DTWD2: variants seen among roughly 807,000 people sequenced by gnomAD.
DTWD2 encodes DTW motif tRNA-uridine aminocarboxypropyltransferase 2.
DTWD2 carries 39 observed loss-of-function variants against 31.8 expected under a neutral mutation model. The ratio of observed to expected loss-of-function variants is 1.22; its 90% confidence interval spans 0.95 to 1.60. The LOEUF (loss-of-function observed/expected upper bound fraction) is 1.60. Among genes scored for constraint, DTWD2 ranks in the 40% most tolerant of loss-of-function variants. DTWD2 has a pLI of 0.00. For missense variants in DTWD2, 515 were observed against 381.5 expected, an observed-to-expected ratio of 1.35 and a Z score of -2.92; for synonymous variants, 180 against 142.8, an observed-to-expected ratio of 1.26 and a Z score of -1.86.
chr5:118,937,088 G>GA (rs1167451893), intron 3 of DTWD2, among the ~76,000 whole-genome samples: 1 of 151,912 alleles, frequency 6.6e-6, no homozygotes, highest in Non-Finnish European at 1.5e-5. Context: ...ATATTTGTAA[G>GA]AAAAAAACCT....
rs143903396 is a variant in DTWD2, at chr5:118,985,028, G to A, written c.218+3266C>T. On this transcript the variant is annotated intron_variant, in intron 1 of 5. Coordinates refer to ENST00000510708, the MANE Select transcript of DTWD2 (RefSeq NM_173666.4). ...AAATATAAAAATATTACAGTGGCTG[G>A]CTTGTTGGGTTATAGAGCATTAGGC... Among the ~76,000 whole-genome samples the A allele has an allele frequency of 3.3e-3, 498 of 152,150 alleles. 2 individuals carry two copies. The highest frequency in any genetic ancestry group is 0.012 in the African/African-American group (484 of 41,504).
intron 4 of DTWD2, among the ~76,000 whole-genome samples, chr5:118,895,090 T>C (rs1753056077): frequency 6.6e-6 from 1 of 152,102 alleles, no homozygotes; most frequent in African/African-American, 2.4e-5. Flanking sequence ...GTTTGCAGAC[T>C]ACATGTCCTT....
intron 4 of DTWD2, among the ~76,000 whole-genome samples, chr5:118,851,218 C>CAAAAA (rs35541408): frequency 1.6e-4 from 13 of 81,734 alleles, no homozygotes; most frequent in Admixed American, 5.0e-4. Context: ...GACCCTATCT[C>CAAAAA]AAAAAAAAAA....
chr5:118,913,682 C>T (rs1034626231), intron 4 of DTWD2, among the ~76,000 whole-genome samples: 3 of 151,496 alleles, frequency 2.0e-5, no homozygotes, highest in Non-Finnish European at 2.9e-5. Flanking sequence ...AGTGAATAAC[C>T]GTAAGTCATA....
chr5:118,886,819 TAGATGGGGATTTTTCA>T (rs1367599683), intron 4 of DTWD2, among the ~76,000 whole-genome samples: 41 of 152,310 alleles, frequency 2.7e-4, no homozygotes, highest in African/African-American at 9.6e-4. Flanking sequence ...TTTAAAAAGC[TAGATGGGGATTTTTCA>T]AAATAGATTA....
intron 1 of DTWD2, among the ~76,000 whole-genome samples, chr5:118,984,354 T>G (rs1755373434): frequency 6.6e-6 from 1 of 150,652 alleles, no homozygotes; most frequent in Non-Finnish European, 1.5e-5. Context: ...CCAGCTACTC[T>G]GGAGGCTGAA....
intron 1 of DTWD2, chr5:118,973,980 A>T: frequency 6.3e-7 from 1 of 1,587,550 alleles, no homozygotes. Flanking sequence ...GGTGGGGAGG[A>T]AGAGGAGGAG....
chr5:118,925,113 C>T (rs1236037747), intron 4 of DTWD2, among the ~76,000 whole-genome samples: 2 of 152,116 alleles, frequency 1.3e-5, no homozygotes, highest in East Asian at 3.8e-4. Context: ...AGTCAGGGTT[C>T]CATTGTTATT....
chr5:118,864,245 C>T (rs982758003), intron 4 of DTWD2, among the ~76,000 whole-genome samples: 8 of 149,424 alleles, frequency 5.4e-5, no homozygotes, highest in Non-Finnish European at 1.0e-4. Flanking sequence ...ATGGATGAAA[C>T]TGGAAATTAT....
chr5:118,973,804 C>T (rs549603717), intron 1 of DTWD2: 82 of 1,612,042 alleles, frequency 5.1e-5, no homozygotes, highest in East Asian at 4.7e-4. Flanking sequence ...CCATGTCAGA[C>T]GCAGCCGTAG....
intron 4 of DTWD2, among the ~76,000 whole-genome samples, chr5:118,851,745 T>C (rs1752011936): frequency 6.7e-6 from 1 of 149,768 alleles, no homozygotes; most frequent in South Asian, 2.1e-4. Context: ...TGTTAAATGA[T>C]GAGTTACTGG....
chr5:118,877,532 A>C (rs569622761), intron 4 of DTWD2, among the ~76,000 whole-genome samples: 126 of 152,168 alleles, frequency 8.3e-4, no homozygotes, highest in African/African-American at 2.2e-3. Context: ...TTGAAGAAAC[A>C]TACCTCAAAA....
chr5:118,885,324 G>A (rs1384927827), intron 4 of DTWD2, among the ~76,000 whole-genome samples: 1 of 151,576 alleles, frequency 6.6e-6, no homozygotes, highest in Non-Finnish European at 1.5e-5. Flanking sequence ...GTGGTGGCGG[G>A]CACCTGCAGT....
chr5:118,914,064 C>G lies in DTWD2; in HGVS notation c.597+14473G>C, dbSNP rs925663577. On this transcript the variant is annotated intron_variant, in intron 4 of 5. Coordinates refer to ENST00000510708, the MANE Select transcript of DTWD2 (RefSeq NM_173666.4). The stretch of plus-strand genomic sequence containing the variant: ...TTTGTCTCACTGACCTTAGATATGC[C>G]TTCTTATCAGATATATAAAAGCCTA... 2.6e-5 allele frequency among the ~76,000 whole-genome samples: 4 copies of G among 152,004 alleles called. No individual in the cohort carries two copies. In the East Asian group the frequency reaches 7.7e-4, roughly 29 times the overall value.
chr5:118,875,275 C>T (rs1324843106), intron 4 of DTWD2, among the ~76,000 whole-genome samples: 2 of 152,136 alleles, frequency 1.3e-5, no homozygotes, highest in Non-Finnish European at 2.9e-5. Context: ...ACCAGTGACA[C>T]TATAAAGCAA....
chr5:118,915,519 C>T (rs931076903), intron 4 of DTWD2, among the ~76,000 whole-genome samples: 27 of 151,966 alleles, frequency 1.8e-4, no homozygotes, highest in Non-Finnish European at 3.1e-4. Context: ...GGAATACAGG[C>T]GCACACCACC....
rs1308601675 is a variant in DTWD2 at position 118,864,618 on chromosome 5, T to C, written c.598-16400A>G. On this transcript the variant is annotated intron_variant, in intron 4 of 5. Transcript: ENST00000510708. ...TGGAGATTGGGAGATAGGGGCCCTA[T>C]CTTTCTTTTTTTATTTTATTTTATT... 3.3e-5 allele frequency among the ~76,000 whole-genome samples: 5 copies of C among 149,734 alleles called. No homozygotes were observed. The East Asian group carries it at 9.7e-4, about 29-fold the overall frequency.
intron 4 of DTWD2, among the ~76,000 whole-genome samples, chr5:118,908,727 A>G (rs1753393006): frequency 1.3e-5 from 2 of 152,092 alleles, no homozygotes; most frequent in South Asian, 4.1e-4. Flanking sequence ...AGAAAATGTA[A>G]CCTGAAGACT....
At chr5:118,904,657 A>T (rs1231000351) in intron 4 of DTWD2, among the ~76,000 whole-genome samples, 1 of 152,164 alleles carries the variant, frequency 6.6e-6, no homozygotes, top group Non-Finnish European at 1.5e-5. Flanking sequence ...AGCAAAAGAA[A>T]ATAAAATAAG....
Sources: gnomAD v4.1 joint callset for allele counts (sites outside exome capture counted in the v4.1 genomes callset) on GRCh38, gnomAD v4.1.1 for gene constraint, MANE v1.5 for transcripts, NCBI Gene and HGNC (gene_info 2026-07-23, HGNC 2026-07-21) for gene names.